The following OSBP2 variants were observed in gnomAD, a reference collection of about 807,000 sequenced individuals.
OSBP2 encodes oxysterol-binding protein 2.
Under a neutral mutation model 96.0 loss-of-function variants are expected in OSBP2, and 66 were observed. The ratio of observed to expected loss-of-function variants is 0.69; its 90% CI spans 0.56 to 0.84. The LOEUF is 0.84. Among genes scored for constraint, OSBP2 ranks in the 40% least tolerant of loss-of-function variants. The pLI is 0.00. For synonymous variants in OSBP2, 525 were observed against 520.9 expected (o/e 1.01, Z -0.11); for missense variants, 1,038 against 1,222.7 (o/e 0.85, Z 2.25).
chr22:30,889,377 G>T, intron 6 of OSBP2, 113 bp from the exon 7 acceptor site: 1 of 1,445,970 alleles, frequency 6.9e-7, no homozygotes, highest in Non-Finnish European at 9.6e-7. Flanking sequence ...TCCACCAGCA[G>T]CGTACCAGTG....
At chr22:30,893,077 G>A (rs1271498488) in intron 8 of OSBP2, 45 bp from the exon 9 acceptor site, 2 of 1,606,558 alleles carry the variant, frequency 1.2e-6, no homozygotes, top group Non-Finnish European at 8.5e-7. Flanking sequence ...GTGGAACCTG[G>A]GCTCATGTCT....
chr22:30,893,750 A>C lies in OSBP2; in HGVS notation c.2190+17A>C, dbSNP rs1000499372. ...GCCCGGAAGGTAAGCAGGACCAGCC[A>C]CCTCTAAGCACCCCAGGGGGCCCAG... is the stretch of plus-strand genomic sequence containing the variant. On this transcript the variant is annotated intron_variant, in intron 11 of 13. Coordinates refer to ENST00000332585, the MANE Select transcript of OSBP2 (RefSeq NM_030758.4). 6.2e-7 allele frequency: 1 copy of C among 1,613,460 alleles called. No homozygotes were observed. The highest frequency in any genetic ancestry group is 1.3e-5 in the African/African-American group (1 of 75,042).
chr22:30,696,464 G>C (rs1399341264), intron 1 of OSBP2, among the ~76,000 whole-genome samples: 2 of 152,134 alleles, frequency 1.3e-5, no homozygotes, highest in Non-Finnish European at 2.9e-5. Context: ...GGAAGGGCCT[G>C]AGATTCGGAT....
At chr22:30,880,928 T>G (rs2107402) in intron 3 of OSBP2, among the ~76,000 whole-genome samples, 26,668 of 152,162 alleles carry the variant, frequency 0.18, 2,767 homozygotes, top group South Asian at 0.32. Flanking sequence ...GGGCAGCCCT[T>G]ACAGCCTTCT....
Position 30,707,221 on chromosome 22 carries a change from G to A in OSBP2, c.644+11668G>A, listed in dbSNP as rs549637999. On this transcript the variant is annotated intron_variant, in intron 1 of 13. Transcript: ENST00000332585. ...AAGCAATTCTTCTGCCTCAGCCTCCGGAGTAGGTGGGATTACAGGCTCTCG... is the reference window on the plus strand; with the variant it reads ...AAGCAATTCTTCTGCCTCAGCCTCCAGAGTAGGTGGGATTACAGGCTCTCG... Among the ~76,000 whole-genome samples the A allele has an allele frequency of 9.9e-5, 15 of 151,916 alleles. No homozygotes were observed. In the East Asian group the frequency reaches 2.0e-3, roughly 20 times the overall value.
intron 2 of OSBP2, among the ~76,000 whole-genome samples, chr22:30,814,200 G>T (rs144244808): frequency 6.6e-6 from 1 of 152,112 alleles, no homozygotes; most frequent in African/African-American, 2.4e-5. Context: ...CCACAGCCTC[G>T]GTGGCTTAAA....
At chr22:30,774,274 G>A (rs1432933309) in intron 2 of OSBP2, among the ~76,000 whole-genome samples, 4 of 152,224 alleles carry the variant, frequency 2.6e-5, no homozygotes, top group African/African-American at 9.6e-5. Flanking sequence ...ATCCACTGCG[G>A]GGACAAATGA....
intron 2 of OSBP2, among the ~76,000 whole-genome samples, chr22:30,841,101 G>T (rs2038744437): frequency 6.6e-6 from 1 of 152,140 alleles, no homozygotes; most frequent in Admixed American, 6.5e-5. Context: ...GGAGGCGGAG[G>T]CTGCAGTGAG....
At chr22:30,774,070 G>A (rs1459550772) in intron 2 of OSBP2, among the ~76,000 whole-genome samples, 1 of 152,116 alleles carries the variant, frequency 6.6e-6, no homozygotes, top group Non-Finnish European at 1.5e-5. Flanking sequence ...CCAGTGTCAT[G>A]GGTGGTCAGG....
intron 2 of OSBP2, among the ~76,000 whole-genome samples, chr22:30,835,345 C>T (rs774646767): frequency 6.6e-6 from 1 of 152,058 alleles, no homozygotes; most frequent in Non-Finnish European, 1.5e-5. Context: ...GATCCAACTT[C>T]ATTCTTTTGC....
At chr22:30,856,310 G>C (rs1296942983) in intron 2 of OSBP2, among the ~76,000 whole-genome samples, 1 of 150,480 alleles carries the variant, frequency 6.6e-6, no homozygotes, top group African/African-American at 2.4e-5. Context: ...TCCTGAGTCA[G>C]AATGTTCTGC....
intron 2 of OSBP2, among the ~76,000 whole-genome samples, chr22:30,767,729 G>A (rs2090293996): frequency 6.6e-6 from 1 of 152,112 alleles, no homozygotes; most frequent in East Asian, 1.9e-4. Context: ...CAGCCAAGCT[G>A]GGCTCTGTTC....
intron 1 of OSBP2, among the ~76,000 whole-genome samples, chr22:30,704,540 A>G (rs1339574444): frequency 1.3e-5 from 2 of 149,304 alleles, no homozygotes; most frequent in Non-Finnish European, 3.0e-5. Flanking sequence ...TTTTTGAGAC[A>G]GAGTCTTGCT....
intron 2 of OSBP2, among the ~76,000 whole-genome samples, chr22:30,863,114 G>A (rs2039256270): frequency 6.6e-6 from 1 of 152,178 alleles, no homozygotes; most frequent in South Asian, 2.1e-4. Flanking sequence ...AGCTGGAAGT[G>A]CAGAGGAGGC....
At chr22:30,698,518 A>T (rs1292903369) in intron 1 of OSBP2, among the ~76,000 whole-genome samples, 1 of 150,746 alleles carries the variant, frequency 6.6e-6, no homozygotes, top group East Asian at 1.9e-4. Context: ...AGCTCACTGC[A>T]ATCTCTGCCT....
intron 2 of OSBP2, among the ~76,000 whole-genome samples, chr22:30,796,772 T>C (rs1318386061): frequency 6.6e-6 from 1 of 152,218 alleles, no homozygotes; most frequent in Non-Finnish European, 1.5e-5. Flanking sequence ...CCTCCCAAAG[T>C]GCTGGGATTA....
Position 30,870,300 on chromosome 22 carries a change from G to C in OSBP2, c.854-129G>C. ...CCTCACCCCGGCCAGGAACAGGAAC[G>C]GGCACCATCTCGGGGACTGATGTTT... On this transcript the variant is annotated intron_variant, in intron 2 of 13. Transcript: ENST00000332585. The surrounding 1 kb of genome is among the most constrained non-coding windows in gnomAD (Gnocchi z 4.1). 1 of 966,780 alleles carries C rather than the reference G, an allele frequency of 1.0e-6. No individual in the cohort carries two copies. The highest frequency in any genetic ancestry group is 1.5e-6 in the Non-Finnish European group (1 of 651,666). The allele number at this position is 966,780 out of a possible 1,614,324, so 59.9% of individuals were successfully genotyped here.
At chr22:30,861,453 TGAG>T (rs995901878) in intron 2 of OSBP2, among the ~76,000 whole-genome samples, 3 of 152,248 alleles carry the variant, frequency 2.0e-5, no homozygotes, top group East Asian at 1.9e-4. Flanking sequence ...CAGCAGGAGA[TGAG>T]GAGAGAGGGG....
chr22:30,862,208 T>C (rs1264554075), intron 2 of OSBP2, among the ~76,000 whole-genome samples: 1 of 152,192 alleles, frequency 6.6e-6, no homozygotes, highest in Admixed American at 6.5e-5. Context: ...CCTCCTCTAG[T>C]GCCACTCCAA....
Sources: allele counts gnomAD v4.1 joint callset (sites outside exome capture counted in the v4.1 genomes callset), GRCh38; gene constraint gnomAD v4.1.1; non-coding constraint Gnocchi (gnomAD v3.1); transcripts MANE v1.5; gene names NCBI Gene and HGNC (gene_info 2026-07-23, HGNC 2026-07-21).